The following AP1G1 variants were observed in gnomAD, a reference collection of about 807,000 sequenced individuals.
AP1G1 encodes adaptor related protein complex 1 subunit gamma 1, also known as AP-1 complex subunit gamma-1.
AP1G1 carries 7 observed loss-of-function variants against 108.3 expected under a neutral mutation model. That is an observed-to-expected ratio of 0.06 (90% CI 0.04 to 0.12). The LOEUF is 0.12. Among genes scored for constraint, AP1G1 ranks in the 10% least tolerant of loss-of-function variants. AP1G1 has a pLI of 1.00. For synonymous variants in AP1G1, 379 were observed against 353.5 expected, an observed-to-expected ratio of 1.07 and a Z score of -0.81; for missense variants, 756 against 1,010.7, an observed-to-expected ratio of 0.75 and a Z score of 3.42.
At chr16:71,775,018 G>A (rs1353073702) in intron 2 of AP1G1, among the ~76,000 whole-genome samples, 1 of 113,746 alleles carries the variant, frequency 8.8e-6, no homozygotes, top group Non-Finnish European at 1.8e-5. Context: ...ACCGCGCCTG[G>A]CTTTTTTTTT....
intron 2 of AP1G1, among the ~76,000 whole-genome samples, chr16:71,778,119 C>A (rs1405584246): frequency 1.3e-5 from 2 of 152,024 alleles, no homozygotes; most frequent in African/African-American, 4.8e-5. Context: ...ATAACAACAA[C>A]AAAAAAACCT....
chr16:71,736,383 A>G (rs2045540728), intron 21 of AP1G1, among the ~76,000 whole-genome samples: 1 of 146,260 alleles, frequency 6.8e-6, no homozygotes. Context: ...ATAAAATATG[A>G]CTTTTTTTTT....
At position 71,745,223 on chromosome 16, in the gene AP1G1, A is replaced by G. The variant is rs745429905; in HGVS notation, c.1920T>C (p.Val640=). The G allele has an allele frequency of 6.2e-7, 1 of 1,614,250 alleles. No homozygotes were observed. Among genetic ancestry groups the G allele is most frequent in the South Asian group, 1.1e-5 (1 of 91,086 alleles). The change falls in exon 19 of 23, where the codon GTT becomes GTC. Residue 640 remains valine (V), a synonymous_variant. Coordinates refer to ENST00000299980, the MANE Select transcript of AP1G1 (RefSeq NM_001128.6). ...GTTTGCTTGTAGGCGCAGTTGGAATAACAGGTGTTATGTCATTTCCTCCCA... is the reference window on the plus strand; with the variant it reads ...GTTTGCTTGTAGGCGCAGTTGGAATGACAGGTGTTATGTCATTTCCTCCCA... ...DLLGGNDITP[V]IPTAPTSKPS...
At chr16:71,750,442 T>C (rs2030423931) in intron 13 of AP1G1, 110 bp from the exon 14 acceptor site, 1 of 1,323,664 alleles carries the variant, frequency 7.6e-7, no homozygotes, top group Non-Finnish European at 1.0e-6. Context: ...TGAGACAGAG[T>C]CTCGCTCTGT....
chr16:71,786,062 G>T (rs185488901), intron 2 of AP1G1, among the ~76,000 whole-genome samples: 1 of 152,026 alleles, frequency 6.6e-6, no homozygotes, highest in Non-Finnish European at 1.5e-5. Context: ...AGAGGAAACA[G>T]AATAAGAACT....
intron 9 of AP1G1, among the ~76,000 whole-genome samples, chr16:71,763,320 A>G (rs2031180843): frequency 6.6e-6 from 1 of 152,228 alleles, no homozygotes; most frequent in South Asian, 2.1e-4. Context: ...AGTCAAATTC[A>G]CAGACGGAAA....
At chr16:71,806,875 C>G in intron 1 of AP1G1, 1 of 349,056 alleles carries the variant, frequency 2.9e-6, no homozygotes, top group South Asian at 2.4e-5. Context: ...TCTGAGACAT[C>G]ATATGACCTA....
intron 19 of AP1G1, chr16:71,743,465 T>G (rs1250432013): frequency 6.6e-6 from 1 of 152,094 alleles, no homozygotes; most frequent in Non-Finnish European, 1.5e-5. Context: ...TAGCCGGGCA[T>G]GGTGGCATTC....
chr16:71,788,613 C>A (rs1428000938), intron 2 of AP1G1, among the ~76,000 whole-genome samples: 1 of 151,880 alleles, frequency 6.6e-6, no homozygotes, highest in African/African-American at 2.4e-5. Flanking sequence ...CTTCTCCACA[C>A]AACGCTGTGC....
intron 5 of AP1G1, among the ~76,000 whole-genome samples, chr16:71,770,223 T>A (rs1391659453): frequency 6.6e-6 from 1 of 152,220 alleles, no homozygotes; most frequent in Non-Finnish European, 1.5e-5. Context: ...GTGCTCCAAA[T>A]AATTCAGTTG....
In AP1G1 at chr16:71,746,712, C is replaced by T. The variant is rs374149043; in HGVS notation, c.1626-20G>A. Reference sequence around the variant, plus strand: ...ATTCGGCTATAGATAAAATGACAAACGAAATAAAATACCCAAAAGAAAATT... The same window carrying T: ...ATTCGGCTATAGATAAAATGACAAATGAAATAAAATACCCAAAAGAAAATT... On this transcript the variant is annotated intron_variant, in intron 16 of 22. Coordinates refer to ENST00000299980, the MANE Select transcript of AP1G1 (RefSeq NM_001128.6). 1.3e-5 allele frequency: 20 copies of T among 1,562,598 alleles called. No individual in the cohort carries two copies. Among genetic ancestry groups the T allele is most frequent in the Middle Eastern group, 1.7e-4 (1 of 5,994 alleles).
chr16:71,777,289 T>A (rs1489835244), intron 2 of AP1G1, among the ~76,000 whole-genome samples: 5 of 148,180 alleles, frequency 3.4e-5, no homozygotes, highest in Non-Finnish European at 7.4e-5. Context: ...ATGCAGAGGT[T>A]AGGCAGGAGA....
chr16:71,741,806 G>A (rs1348800066), intron 19 of AP1G1, among the ~76,000 whole-genome samples: 1 of 152,142 alleles, frequency 6.6e-6, no homozygotes, highest in African/African-American at 2.4e-5. Context: ...TTTTAGAAAT[G>A]TGTTCTCATG....
rs1253541192 is a variant in AP1G1, at chr16:71,775,737, T to C, written c.202-1145A>G. Among the ~76,000 whole-genome samples, 6 of 152,266 alleles carry C rather than the reference T, an allele frequency of 3.9e-5. No homozygotes were observed. The East Asian group carries it at 1.2e-3, about 29-fold the overall frequency. ...TGAACCAAGTACATTCAGAGCTTGA[T>C]CCAAGTACTACGGGAGAGGGCGAGG... On this transcript the variant is annotated intron_variant, in intron 2 of 22. Transcript: ENST00000299980.
chr16:71,736,359 A>T (rs1471713562), intron 21 of AP1G1, among the ~76,000 whole-genome samples: 1 of 148,320 alleles, frequency 6.7e-6, no homozygotes, highest in Non-Finnish European at 1.5e-5. Context: ...CGAAATTAGT[A>T]CATAGTAGAA....
chr16:71,788,119 T>A (rs570264656), intron 2 of AP1G1, among the ~76,000 whole-genome samples: 4 of 152,316 alleles, frequency 2.6e-5, no homozygotes, highest in South Asian at 4.1e-4. Context: ...GTCAGTCTGA[T>A]AAGATTAAAT....
At chr16:71,768,836 T>C (rs1210380672) in intron 6 of AP1G1, among the ~76,000 whole-genome samples, 1 of 133,860 alleles carries the variant, frequency 7.5e-6, no homozygotes, top group Non-Finnish European at 1.5e-5. Context: ...GAGAATGGCA[T>C]GAACCCGGGA....
In AP1G1 at chr16:71,745,475, G is replaced by C; in HGVS notation, c.1870C>G (p.Gln624Glu). The change falls in exon 18 of 23, where the codon CAG becomes GAG. Residue 624 changes from glutamine to glutamate, a missense_variant and splice_region_variant. Physicochemically the swap from Gln to Glu is conservative, Grantham distance 29. Transcript: ENST00000299980. ...TGAGCAAGTGAAAGGCTGGCTACCTGGCTGGTGGGCTGTGGCCCAGAGGGT... is the reference window on the plus strand; with the variant it reads ...TGAGCAAGTGAAAGGCTGGCTACCTCGCTGGTGGGCTGTGGCCCAGAGGGT... ...PPPSGPQPTS[Q>E]ANDLLDLLGG... 1 of 1,614,194 alleles carries C rather than the reference G, an allele frequency of 6.2e-7. No individual in the cohort carries two copies. Among genetic ancestry groups the C allele is most frequent in the Non-Finnish European group, 8.5e-7 (1 of 1,180,036 alleles).
intron 1 of AP1G1, among the ~76,000 whole-genome samples, chr16:71,807,193 AGGC>A (rs2033023374): frequency 6.8e-6 from 1 of 146,684 alleles, no homozygotes; most frequent in East Asian, 2.2e-4. Context: ...TGGGAGGCCG[AGGC>A]GGGCGGATTA....
Sources: allele counts gnomAD v4.1 joint callset (sites outside exome capture counted in the v4.1 genomes callset), GRCh38; gene constraint gnomAD v4.1.1; transcripts MANE v1.5; gene names NCBI Gene and HGNC (gene_info 2026-07-23, HGNC 2026-07-21).